The following MAF variants were observed in gnomAD, a reference collection of about 807,000 sequenced individuals.
The protein encoded by MAF is transcription factor Maf.
Under a neutral mutation model 22.0 loss-of-function variants are expected in MAF, and 10 were observed. That is an observed-to-expected ratio of 0.45 (90% CI 0.28 to 0.77). The LOEUF (loss-of-function observed/expected upper bound fraction) is 0.77, where lower values mean the gene tolerates loss of function less well. MAF is among the 30% of genes least tolerant of loss of function. The pLI is 0.12. For synonymous variants in MAF, 337 were observed against 255.8 expected, an observed-to-expected ratio of 1.32 and a Z score of -3.03; for missense variants, 544 against 548.4, an observed-to-expected ratio of 0.99 and a Z score of 0.08.
At chr16:79,426,470 C>T in the MAF span, among the ~76,000 whole-genome samples, 1 of 152,024 alleles carries the variant, frequency 6.6e-6, no homozygotes, top group South Asian at 2.1e-4. Flanking sequence ...CTTACATAGC[C>T]CAGTCTCTAT....
At chr16:79,377,027 G>A in the MAF span, among the ~76,000 whole-genome samples, 3 of 152,220 alleles carry the variant, frequency 2.0e-5, no homozygotes, top group Admixed American at 2.0e-4. Flanking sequence ...ATAATCCTTT[G>A]GGTATATACC....
chr16:79,324,081 A>C, the MAF span, among the ~76,000 whole-genome samples: 1 of 152,184 alleles, frequency 6.6e-6, no homozygotes, highest in Non-Finnish European at 1.5e-5. Flanking sequence ...TGCTCTCAGT[A>C]AAGGTTAGCT....
chr16:79,308,445 G>C, the MAF span, among the ~76,000 whole-genome samples: 2 of 152,072 alleles, frequency 1.3e-5, no homozygotes, highest in African/African-American at 2.4e-5. Flanking sequence ...ACCTCAATGA[G>C]CCTCTGCTTG....
chr16:79,235,956 C>A, the MAF span, among the ~76,000 whole-genome samples: 2 of 151,932 alleles, frequency 1.3e-5, no homozygotes, highest in African/African-American at 2.4e-5. Context: ...CTTCCCATTT[C>A]TCTCCTAAAA....
chr16:79,541,452 G>A, the MAF span, among the ~76,000 whole-genome samples: 1 of 151,790 alleles, frequency 6.6e-6, no homozygotes, highest in Admixed American at 6.6e-5. Context: ...TCTAGGCACA[G>A]TAGTACCTGC....
chr16:79,425,801 G>A, the MAF span, among the ~76,000 whole-genome samples: 4 of 152,022 alleles, frequency 2.6e-5, no homozygotes, highest in Non-Finnish European at 4.4e-5. Context: ...CAGTTTTACA[G>A]AGAAGGAACA....
At chr16:79,502,995 G>C in the MAF span, among the ~76,000 whole-genome samples, 1 of 151,940 alleles carries the variant, frequency 6.6e-6, no homozygotes, top group African/African-American at 2.4e-5. Context: ...TTTTATCAAA[G>C]GAATTGGGTC....
At chr16:79,476,506 T>C in the MAF span, among the ~76,000 whole-genome samples, 445 of 152,332 alleles carry the variant, frequency 2.9e-3, 4 homozygotes, top group African/African-American at 9.6e-3. Flanking sequence ...TTTCTTAAGA[T>C]TGGGACATAG....
the MAF span, among the ~76,000 whole-genome samples, chr16:79,497,878 G>A: frequency 2.0e-5 from 3 of 152,212 alleles, no homozygotes; most frequent in Admixed American, 6.5e-5. Context: ...TCACCTATCT[G>A]TTGTTCCCTA....
At chr16:79,422,768 T>A in the MAF span, among the ~76,000 whole-genome samples, 1 of 152,192 alleles carries the variant, frequency 6.6e-6, no homozygotes, top group Non-Finnish European at 1.5e-5. Context: ...TTCTATTATG[T>A]TGGTGCGAAA....
chr16:79,428,967 G>A, the MAF span, among the ~76,000 whole-genome samples: 57 of 152,232 alleles, frequency 3.7e-4, no homozygotes, highest in African/African-American at 1.3e-3. Flanking sequence ...GGGCAACGGA[G>A]GCTCCACAGA....
chr16:79,284,513 C>G, the MAF span, among the ~76,000 whole-genome samples: 1 of 152,106 alleles, frequency 6.6e-6, no homozygotes, highest in Non-Finnish European at 1.5e-5. Flanking sequence ...TAAAAGGGCA[C>G]CAGGAAAGAG....
chr16:79,554,378 T>C, the MAF span, among the ~76,000 whole-genome samples: 1 of 152,128 alleles, frequency 6.6e-6, no homozygotes, highest in South Asian at 2.1e-4. Flanking sequence ...AGATCCTCAT[T>C]TATTAGAAAG....
Position 79,599,167 on chromosome 16 carries a change from G to C in MAF, c.736C>G (p.Leu246Val). Reference sequence around the variant, plus strand: ...CCGCCGGCGGCGTGGTGCGGGTGCAGGGCGCCCCCCGCCCCCGCCGCGCCC... The same window carrying C: ...CCGCCGGCGGCGTGGTGCGGGTGCACGGCGCCCCCCGCCCCCGCCGCGCCC... ...GGGAAGAGGA[L>V]HPHHAAGGLH... Residue 246 changes from leucine to valine, a missense_variant, in exon 1 of 2, where the codon CTG becomes GTG. By Grantham distance (32) the Leu-to-Val change is conservative (BLOSUM62 1). Around this residue, in one of 5 missense-constraint regions of MAF, gnomAD observed 342 missense variants for 315.5 expected, o/e 1.08. Coordinates refer to ENST00000326043, the MANE Select transcript of MAF (RefSeq NM_005360.5). The C allele has an allele frequency of 7.4e-7, 1 of 1,356,696 alleles. No homozygotes were observed. Among genetic ancestry groups the C allele is most frequent in the Non-Finnish European group, 9.6e-7 (1 of 1,044,976 alleles). 84.0% of individuals were successfully genotyped at this position (1,356,696 alleles called of 1,614,324 possible).
At chr16:79,303,007 G>A in the MAF span, among the ~76,000 whole-genome samples, 1 of 152,194 alleles carries the variant, frequency 6.6e-6, no homozygotes, top group Admixed American at 6.5e-5. Context: ...GCTTCTGACG[G>A]TACCTTCCAT....
the MAF span, among the ~76,000 whole-genome samples, chr16:79,491,100 G>A: frequency 3.3e-5 from 5 of 152,294 alleles, no homozygotes; most frequent in African/African-American, 1.2e-4. Flanking sequence ...GGTGAGAAGG[G>A]GAGGGTAAGC....
the MAF span, among the ~76,000 whole-genome samples, chr16:79,538,842 GAAAGAAAGA>G: frequency 5.5e-5 from 5 of 90,304 alleles, no homozygotes; most frequent in African/African-American, 1.0e-4. Flanking sequence ...AAGAAGGAAA[GAAAGAAAGA>G]AAAGAAAAGA....
the MAF span, among the ~76,000 whole-genome samples, chr16:79,455,780 G>C: frequency 6.6e-6 from 1 of 152,200 alleles, no homozygotes; most frequent in Non-Finnish European, 1.5e-5. Context: ...CACTTTGGGG[G>C]ACCAAGGTGG....
At chr16:79,590,482 G>C (rs1913129904), downstream of MAF, among the ~76,000 whole-genome samples, 1 of 152,196 alleles carries the variant, frequency 6.6e-6, no homozygotes, top group Non-Finnish European at 1.5e-5. Flanking sequence ...CCTGAGGACA[G>C]TGACTTTTGA....
Sources: gnomAD v4.1 joint callset for allele counts (sites outside exome capture counted in the v4.1 genomes callset) on GRCh38, gnomAD v4.1.1 for gene constraint, gnomAD v4.1.1 regional missense constraint, MANE v1.5 for transcripts, NCBI Gene and HGNC (gene_info 2026-07-23, HGNC 2026-07-21) for gene names.